The following CLDN16 variants were observed in gnomAD, a reference collection of about 807,000 sequenced individuals.
The protein encoded by CLDN16 is claudin 16.
A neutral mutation model predicts 24.6 loss-of-function variants in CLDN16; 13 were observed. The observed-to-expected ratio is 0.53, with a 90% CI of 0.34 to 0.84. CLDN16 has a LOEUF of 0.84. CLDN16 is among the 40% of genes least tolerant of loss of function. The pLI, the probability that CLDN16 is intolerant of heterozygous loss-of-function variation, is 0.01. For missense variants in CLDN16, 298 were observed against 292.7 expected (o/e 1.02, Z -0.13); for synonymous variants, 116 against 106.7 (o/e 1.09, Z -0.54).
At chr3:190,327,036 G>C (rs1330741764) in intron 1 of CLDN16, among the ~76,000 whole-genome samples, 3 of 152,138 alleles carry the variant, frequency 2.0e-5, no homozygotes, top group African/African-American at 7.2e-5. Flanking sequence ...GTGTGTATTT[G>C]TGTGTCTGTG....
At chr3:190,336,510 T>G (rs1717309362) in intron 1 of CLDN16, among the ~76,000 whole-genome samples, 1 of 152,318 alleles carries the variant, frequency 6.6e-6, no homozygotes, top group African/African-American at 2.4e-5. Context: ...AATACTACAA[T>G]GAATGATTTA....
chr3:190,322,012 T>C (rs145197251), upstream of CLDN16: 214 of 1,614,144 alleles, frequency 1.3e-4, 1 homozygote, highest in African/African-American at 2.4e-3. Flanking sequence ...AGTCAAAGAC[T>C]TTGCACTGGA....
the CLDN16 span, chr3:190,308,270 C>T: frequency 2.7e-5 from 44 of 1,613,518 alleles, no homozygotes; most frequent in Admixed American, 4.2e-4. Flanking sequence ...CTCCTTTTGC[C>T]TCTGTGTCAC....
intron 3 of CLDN16, among the ~76,000 whole-genome samples, chr3:190,382,657 T>C (rs950446831): frequency 1.3e-5 from 2 of 152,184 alleles, no homozygotes; most frequent in East Asian, 3.9e-4. Flanking sequence ...TGCTTCTCTG[T>C]GCTTTTACAA....
At chr3:190,310,178 A>G in the CLDN16 span, 60 of 1,613,472 alleles carry the variant, frequency 3.7e-5, no homozygotes, top group Middle Eastern at 1.6e-4. Context: ...CCTGGCATTG[A>G]CTGGGGTCAT....
the CLDN16 span, chr3:190,312,723 T>G: frequency 1.2e-6 from 1 of 843,716 alleles, no homozygotes; most frequent in Non-Finnish European, 2.0e-6. Context: ...TAGTTTGTGT[T>G]TGAGAACATG....
chr3:190,375,339 G>A (rs1043199476), intron 3 of CLDN16, among the ~76,000 whole-genome samples: 6 of 151,928 alleles, frequency 3.9e-5, no homozygotes, highest in African/African-American at 1.4e-4. Flanking sequence ...CAGCCTCTAG[G>A]CTCTTTGGAA....
chr3:190,309,997 G>A, the CLDN16 span, among the ~76,000 whole-genome samples: 1 of 152,156 alleles, frequency 6.6e-6, no homozygotes, highest in Admixed American at 6.5e-5. Context: ...GGGTGTTAAA[G>A]CAATTATCAA....
intron 1 of CLDN16, among the ~76,000 whole-genome samples, chr3:190,395,600 A>G (rs1393994357): frequency 2.0e-5 from 3 of 152,230 alleles, no homozygotes; most frequent in East Asian, 1.9e-4. Context: ...CTTAATAAAT[A>G]TAAGTAAGTA....
At chr3:190,291,933 C>T in the CLDN16 span, among the ~76,000 whole-genome samples, 19 of 152,148 alleles carry the variant, frequency 1.2e-4, no homozygotes, top group Admixed American at 9.2e-4. Flanking sequence ...ATTAAGGGGG[C>T]GGGCCCCCAC....
intron 1 of CLDN16, among the ~76,000 whole-genome samples, chr3:190,344,533 T>C (rs1717510431): frequency 2.0e-5 from 3 of 151,916 alleles, no homozygotes; most frequent in South Asian, 4.1e-4. Context: ...TTACATACTA[T>C]GTATTCTGTA....
At chr3:190,363,215 A>C (rs528240482) in intron 1 of CLDN16, among the ~76,000 whole-genome samples, 1 of 151,376 alleles carries the variant, frequency 6.6e-6, no homozygotes, top group African/African-American at 2.4e-5. Flanking sequence ...TTGACTGTTC[A>C]ATTTGCTATT....
At chr3:190,404,993 GAGTTGTGCTGA>G in intron 3 of CLDN16, 67 bp downstream of exon 3, 1 of 1,492,252 alleles carries the variant, frequency 6.7e-7, no homozygotes, top group South Asian at 1.1e-5. Flanking sequence ...GTGAAGGAGA[GAGTTGTGCTGA>G]AGCTGCTCAT....
Position 190,393,836 on chromosome 3 carries a change from C to T in CLDN16, c.114+5393C>T, listed in dbSNP as rs576326499. ...CATGATCTTGGCTCACTGCAGCCTC[C>T]ACCTCCTGAGTTCAAGCGATTCTCC... On this transcript the variant is annotated intron_variant, in intron 1 of 4. Transcript: ENST00000264734. Among the ~76,000 whole-genome samples, 4 of 151,110 alleles carry T rather than the reference C, an allele frequency of 2.6e-5. No homozygotes were observed. In the East Asian group the frequency reaches 7.8e-4, roughly 29 times the overall value.
chr3:190,367,562 T>C (rs1718049187), intron 1 of CLDN16, among the ~76,000 whole-genome samples: 1 of 152,002 alleles, frequency 6.6e-6, no homozygotes, highest in Admixed American at 6.6e-5. Context: ...GTTGCCCAAA[T>C]GTCCGATTTA....
intron 1 of CLDN16, among the ~76,000 whole-genome samples, chr3:190,364,380 A>T (rs1020091342): frequency 6.6e-6 from 1 of 151,914 alleles, no homozygotes; most frequent in Non-Finnish European, 1.5e-5. Context: ...TTCTAACAAT[A>T]AACTGCTATA....
chr3:190,304,044 T>C, the CLDN16 span, among the ~76,000 whole-genome samples: 1 of 152,186 alleles, frequency 6.6e-6, no homozygotes, highest in Admixed American at 6.5e-5. Context: ...AGGCCTGTGG[T>C]TTGCAATCCA....
intron 1 of CLDN16, among the ~76,000 whole-genome samples, chr3:190,342,238 A>G (rs1463032404): frequency 6.6e-6 from 1 of 152,188 alleles, no homozygotes; most frequent in Non-Finnish European, 1.5e-5. Flanking sequence ...GCTGATAAGG[A>G]CATACCTGAG....
chr3:190,332,877 CT>C (rs1236169977), intron 1 of CLDN16, among the ~76,000 whole-genome samples: 1 of 151,760 alleles, frequency 6.6e-6, no homozygotes, highest in African/African-American at 2.4e-5. Flanking sequence ...ATGGCATACA[CT>C]TTGCTTTATT....
Sources: allele counts gnomAD v4.1 joint callset (sites outside exome capture counted in the v4.1 genomes callset), GRCh38; gene constraint gnomAD v4.1.1; transcripts MANE v1.5; gene names NCBI Gene and HGNC (gene_info 2026-07-23, HGNC 2026-07-21).